Variants in WWOX observed in about 807,000 individuals in gnomAD.
WWOX encodes the protein WW domain-containing oxidoreductase.
In WWOX, 69 loss-of-function variants were observed where a neutral mutation model predicts 46.2. That is an observed-to-expected ratio of 1.49 (90% CI 1.23 to 1.82). The LOEUF (loss-of-function observed/expected upper bound fraction) is 1.82. Among genes scored for constraint, WWOX ranks in the 40% most tolerant of loss-of-function variants. The pLI is 0.00. For synonymous variants in WWOX, 359 were observed against 202.6 expected (o/e 1.77, Z -6.56); for missense variants, 919 against 542.6 (o/e 1.69, Z -6.89).
At chr16:78,426,474 C>T (rs1027258801) in intron 7 of WWOX, among the ~76,000 whole-genome samples, 3 of 152,150 alleles carry the variant, frequency 2.0e-5, no homozygotes, top group Non-Finnish European at 2.9e-5. Context: ...TAATTCATGC[C>T]TACTTCAGAG....
At chr16:78,322,002 C>T (rs1368992159) in intron 5 of WWOX, among the ~76,000 whole-genome samples, 4 of 152,178 alleles carry the variant, frequency 2.6e-5, no homozygotes, top group Non-Finnish European at 5.9e-5. Flanking sequence ...AAATTCAAAT[C>T]AGTGCATGAG....
chr16:78,757,652 T>C (rs1406461525), intron 8 of WWOX, among the ~76,000 whole-genome samples: 1 of 151,964 alleles, frequency 6.6e-6, no homozygotes, highest in East Asian at 1.9e-4. Context: ...ATTTTATTTA[T>C]TTATATAAAT....
At position 78,325,767 on chromosome 16, in the gene WWOX, G is replaced by T. The variant is rs191967078; in HGVS notation, c.517-61093G>T. ...CTGATATATTAGCCTTGCAGGCAAG[G>T]AAGCAAGTCCGTTGCCCTGGAATGG... On this transcript the variant is annotated intron_variant, in intron 5 of 8. Transcript: ENST00000566780. 1.4e-4 allele frequency among the ~76,000 whole-genome samples: 21 copies of T among 152,354 alleles called. No homozygotes were observed. In the East Asian group the frequency reaches 3.5e-3, roughly 25 times the overall value.
intron 8 of WWOX, among the ~76,000 whole-genome samples, chr16:78,786,139 C>A (rs9926161): frequency 0.98 from 148,918 of 152,236 alleles, 72,909 homozygotes; most frequent in African/African-American, 1. Context: ...TGAACTCCTG[C>A]CCTCCGGTGA....
At chr16:78,300,637 C>T (rs116124257) in intron 5 of WWOX, among the ~76,000 whole-genome samples, 164 of 152,106 alleles carry the variant, frequency 1.1e-3, no homozygotes, top group African/African-American at 3.7e-3. Flanking sequence ...TTGACTTTTT[C>T]GGGAAATGAT....
At chr16:78,104,890 G>C (rs1229519479) in intron 1 of WWOX, among the ~76,000 whole-genome samples, 3 of 152,164 alleles carry the variant, frequency 2.0e-5, no homozygotes, top group Non-Finnish European at 4.4e-5. Context: ...CATCTAAACT[G>C]TTGAGGAAAC....
At chr16:78,574,510 A>G (rs776538672) in intron 8 of WWOX, among the ~76,000 whole-genome samples, 2 of 152,130 alleles carry the variant, frequency 1.3e-5, no homozygotes, top group Non-Finnish European at 2.9e-5. Flanking sequence ...TCCTGAAAGC[A>G]ACAAGAAGCC....
intron 8 of WWOX, among the ~76,000 whole-genome samples, chr16:78,791,329 G>C (rs929802356): frequency 6.6e-6 from 1 of 152,088 alleles, no homozygotes; most frequent in East Asian, 1.9e-4. Context: ...TGGACTCAAC[G>C]GCAGTCTCAG....
intron 4 of WWOX, among the ~76,000 whole-genome samples, chr16:78,161,015 A>T (rs188031669): frequency 6.6e-4 from 101 of 152,104 alleles, no homozygotes; most frequent in Non-Finnish European, 1.3e-3. Context: ...GAAATTTACC[A>T]TTGTGAAATA....
intron 8 of WWOX, among the ~76,000 whole-genome samples, chr16:78,762,027 T>A (rs930851474): frequency 1.3e-5 from 2 of 152,202 alleles, no homozygotes; most frequent in African/African-American, 4.8e-5. Context: ...TTTCTTAGAT[T>A]GAAGAAATAT....
At chr16:78,561,069 G>C (rs2044423759) in intron 8 of WWOX, among the ~76,000 whole-genome samples, 1 of 152,176 alleles carries the variant, frequency 6.6e-6, no homozygotes, top group Non-Finnish European at 1.5e-5. Flanking sequence ...CCACTGCCAA[G>C]CTCATTCAGG....
chr16:78,611,642 G>A (rs1165923567), intron 8 of WWOX, among the ~76,000 whole-genome samples: 3 of 152,184 alleles, frequency 2.0e-5, no homozygotes, highest in Non-Finnish European at 2.9e-5. Context: ...TAGATGCTGC[G>A]TTAGCCAGCC....
At chr16:79,122,829 A>G (rs560097288) in intron 8 of WWOX, among the ~76,000 whole-genome samples, 1 of 152,166 alleles carries the variant, frequency 6.6e-6, no homozygotes, top group Non-Finnish European at 1.5e-5. Context: ...TCAATGAAAT[A>G]CATCTTCATA....
At chr16:78,748,898 C>G (rs2049412799) in intron 8 of WWOX, among the ~76,000 whole-genome samples, 1 of 152,228 alleles carries the variant, frequency 6.6e-6, no homozygotes, top group African/African-American at 2.4e-5. Flanking sequence ...TGCAAAGCAG[C>G]CTGACACATG....
chr16:79,103,301 G>T (rs1413972760), intron 8 of WWOX, among the ~76,000 whole-genome samples: 1 of 152,200 alleles, frequency 6.6e-6, no homozygotes, highest in Non-Finnish European at 1.5e-5. Context: ...TGTATGAAGT[G>T]ACTGTTCTCC....
intron 5 of WWOX, among the ~76,000 whole-genome samples, chr16:78,175,382 G>GA (rs1356729688): frequency 6.6e-6 from 1 of 152,210 alleles, no homozygotes; most frequent in Non-Finnish European, 1.5e-5. Context: ...TCAAGAAGTA[G>GA]AGGCCAGTTC....
At position 78,879,980 on chromosome 16, in the gene WWOX, T is replaced by A. The variant is rs190382672; in HGVS notation, c.1057-331628T>A. 5.7e-4 allele frequency among the ~76,000 whole-genome samples: 87 copies of A among 152,332 alleles called. No individual in the cohort carries two copies. The East Asian group carries it at 0.016, about 27-fold the overall frequency. On this transcript the variant is annotated intron_variant, in intron 8 of 8. Transcript: ENST00000566780. ...AAGCCTCACATTTTTCTAAACATTT[T>A]GAAATCTGGTGTAATGGCGTTAGAT... is the stretch of plus-strand genomic sequence containing the variant.
chr16:78,511,197 A>G (rs962217584), intron 8 of WWOX, among the ~76,000 whole-genome samples: 1 of 152,196 alleles, frequency 6.6e-6, no homozygotes, highest in Non-Finnish European at 1.5e-5. Context: ...GGCTGTCATT[A>G]ATGTAAAAGC....
intron 8 of WWOX, among the ~76,000 whole-genome samples, chr16:78,557,523 C>T (rs1009769232): frequency 2.6e-5 from 4 of 151,978 alleles, no homozygotes; most frequent in African/African-American, 9.7e-5. Context: ...CCATGGAGCC[C>T]GTTTCACTTA....
Sources: gnomAD v4.1 joint callset for allele counts (sites outside exome capture counted in the v4.1 genomes callset) on GRCh38, gnomAD v4.1.1 for gene constraint, MANE v1.5 for transcripts, NCBI Gene and HGNC (gene_info 2026-07-23, HGNC 2026-07-21) for gene names.